Variants in RAB38 observed in about 807,000 individuals in gnomAD.
RAB38 encodes ras-related protein Rab-38.
In RAB38, 15 loss-of-function variants were observed where a neutral mutation model predicts 18.4. That is an observed-to-expected ratio of 0.82 (90% confidence interval 0.55 to 1.26). The LOEUF (loss-of-function observed/expected upper bound fraction) is 1.26, where lower values mean the gene tolerates loss of function less well. Ranked by LOEUF, RAB38 falls within the 50% of genes most tolerant of loss-of-function variation. The probability of loss-of-function intolerance (pLI) is 0.00; values close to 1 mark genes in which losing one functional copy is unlikely to be tolerated. For synonymous variants in RAB38, 101 were observed against 104.4 expected (o/e 0.97, Z 0.20); for missense variants, 294 against 267.4 (o/e 1.10, Z -0.69).
chr11:87,880,848 G>C, the RAB38 span, among the ~76,000 whole-genome samples: 2 of 151,874 alleles, frequency 1.3e-5, no homozygotes, highest in Non-Finnish European at 1.5e-5. Flanking sequence ...ATTGGGCATA[G>C]AGTGGTGACA....
At chr11:88,082,743 G>T in the RAB38 span, among the ~76,000 whole-genome samples, 20 of 151,884 alleles carry the variant, frequency 1.3e-4, no homozygotes, top group Non-Finnish European at 2.1e-4. Context: ...TAAGATTCCA[G>T]CATCACTCTC....
chr11:88,064,614 T>C, the RAB38 span, among the ~76,000 whole-genome samples: 4 of 152,240 alleles, frequency 2.6e-5, no homozygotes, highest in African/African-American at 9.6e-5. Context: ...GATTTAAAGG[T>C]TGTTGAAGCA....
At chr11:88,020,487 C>T in the RAB38 span, among the ~76,000 whole-genome samples, 1 of 152,084 alleles carries the variant, frequency 6.6e-6, no homozygotes, top group Admixed American at 6.6e-5. Context: ...GAAATAGACT[C>T]CAATACAATA....
the RAB38 span, among the ~76,000 whole-genome samples, chr11:87,976,606 C>A: frequency 9.0e-5 from 3 of 33,206 alleles, no homozygotes; most frequent in Admixed American, 1.3e-3. Flanking sequence ...TCTATAAATA[C>A]ATATTTTACA....
chr11:88,173,749 C>T (rs1943340619), intron 1 of RAB38: 2 of 985,386 alleles, frequency 2.0e-6, no homozygotes, highest in Non-Finnish European at 2.4e-6. Flanking sequence ...CCAACAGTGG[C>T]TGATAACATT....
At chr11:88,034,547 ATATGT>A in the RAB38 span, among the ~76,000 whole-genome samples, 2 of 152,180 alleles carry the variant, frequency 1.3e-5, no homozygotes, top group African/African-American at 4.8e-5. Flanking sequence ...ATTATGACAG[ATATGT>A]TATGACATCT....
At chr11:88,020,782 A>G in the RAB38 span, among the ~76,000 whole-genome samples, 1 of 152,196 alleles carries the variant, frequency 6.6e-6, no homozygotes, top group African/African-American at 2.4e-5. Context: ...CTAGAAATCA[A>G]TAACAAGAGG....
At chr11:87,917,963 A>T in the RAB38 span, 1 of 152,048 alleles carries the variant, frequency 6.6e-6, no homozygotes, top group Non-Finnish European at 1.5e-5. Context: ...CACCATACTG[A>T]CACAGAGACT....
the RAB38 span, among the ~76,000 whole-genome samples, chr11:87,848,216 G>C: frequency 6.6e-6 from 1 of 152,108 alleles, no homozygotes; most frequent in African/African-American, 2.4e-5. Flanking sequence ...AAGCTCTTCA[G>C]AGAAACAGGT....
the RAB38 span, among the ~76,000 whole-genome samples, chr11:87,825,025 T>TGA: frequency 6.6e-5 from 10 of 150,528 alleles, no homozygotes; most frequent in Non-Finnish European, 7.4e-5. Flanking sequence ...TGTGTGTGTG[T>TGA]GAGAGAGAGA....
chr11:88,157,028 C>T (rs1943135569), intron 1 of RAB38, among the ~76,000 whole-genome samples: 1 of 152,132 alleles, frequency 6.6e-6, no homozygotes, highest in African/African-American at 2.4e-5. Flanking sequence ...CTAAGCTCCC[C>T]ACTTAAAAGG....
the RAB38 span, among the ~76,000 whole-genome samples, chr11:87,967,291 T>C: frequency 6.6e-6 from 1 of 152,204 alleles, no homozygotes; most frequent in African/African-American, 2.4e-5. Flanking sequence ...GAATTGACTA[T>C]GCTGAGCAAA....
At chr11:87,867,380 A>G in the RAB38 span, among the ~76,000 whole-genome samples, 1 of 151,788 alleles carries the variant, frequency 6.6e-6, no homozygotes, top group Non-Finnish European at 1.5e-5. Context: ...TTAAAATGCC[A>G]TAAAGAAGGA....
At chr11:88,030,855 G>A in the RAB38 span, among the ~76,000 whole-genome samples, 1 of 151,796 alleles carries the variant, frequency 6.6e-6, no homozygotes, top group Non-Finnish European at 1.5e-5. Flanking sequence ...AGAAAAAGAG[G>A]GAATCCTCCC....
chr11:87,884,301 A>G, the RAB38 span, among the ~76,000 whole-genome samples: 1 of 151,954 alleles, frequency 6.6e-6, no homozygotes, highest in Non-Finnish European at 1.5e-5. Context: ...ATGCTCCCTG[A>G]AGTAAAGGAA....
chr11:88,073,275 G>A, the RAB38 span, among the ~76,000 whole-genome samples: 1 of 152,148 alleles, frequency 6.6e-6, no homozygotes. Flanking sequence ...AGGAGACATC[G>A]AAGTGGATGT....
chr11:88,115,148 A>G (rs959484522), intron 2 of RAB38, among the ~76,000 whole-genome samples: 1 of 152,244 alleles, frequency 6.6e-6, no homozygotes, highest in African/African-American at 2.4e-5. Flanking sequence ...ACTAAAATAA[A>G]TATCTTTGAT....
At chr11:88,023,388 A>T in the RAB38 span, among the ~76,000 whole-genome samples, 2 of 151,906 alleles carry the variant, frequency 1.3e-5, no homozygotes, top group South Asian at 4.1e-4. Flanking sequence ...AAACACTGAT[A>T]AAAATCTAAA....
chr11:88,078,272 T>C, the RAB38 span, among the ~76,000 whole-genome samples: 1 of 151,864 alleles, frequency 6.6e-6, no homozygotes, highest in Admixed American at 6.6e-5. Flanking sequence ...CTCAGAAAAC[T>C]AAAAATAAAA....
Sources: allele counts gnomAD v4.1 joint callset (sites outside exome capture counted in the v4.1 genomes callset), GRCh38; gene constraint gnomAD v4.1.1; transcripts MANE v1.5; gene names NCBI Gene and HGNC (gene_info 2026-07-23, HGNC 2026-07-21).